ENPP1: variants seen among roughly 807,000 people sequenced by gnomAD.
ENPP1 encodes the protein ectonucleotide pyrophosphatase/phosphodiesterase 1, also known as ectonucleotide pyrophosphatase/phosphodiesterase family member 1.
Under a neutral mutation model 122.8 loss-of-function variants are expected in ENPP1, and 73 were observed. The observed-to-expected ratio is 0.59, with a 90% CI of 0.49 to 0.72. The LOEUF (loss-of-function observed/expected upper bound fraction) is 0.72, where lower values mean the gene tolerates loss of function less well. ENPP1 is among the 30% of genes least tolerant of loss of function. The probability of loss-of-function intolerance (pLI) is 0.00; values close to 1 mark genes in which losing one functional copy is unlikely to be tolerated. For missense variants in ENPP1, 978 were observed against 1,128.1 expected, an observed-to-expected ratio of 0.87 and a Z score of 1.91; for synonymous variants, 367 against 391.6, an observed-to-expected ratio of 0.94 and a Z score of 0.74.
At chr6:131,826,229 A>G in intron 1 of ENPP1, 4 of 949,758 alleles carry the variant, frequency 4.2e-6, no homozygotes, top group South Asian at 1.3e-5. Context: ...TTGCACTGAA[A>G]CAGCCCATCT....
chr6:131,845,396 T>G (rs1339748291), intron 1 of ENPP1, among the ~76,000 whole-genome samples: 1 of 151,718 alleles, frequency 6.6e-6, no homozygotes, highest in African/African-American at 2.4e-5. Context: ...CTATGTTTTA[T>G]TTTCTTATAC....
chr6:131,880,862 C>T (rs1219592250), intron 20 of ENPP1, among the ~76,000 whole-genome samples: 1 of 152,150 alleles, frequency 6.6e-6, no homozygotes, highest in African/African-American at 2.4e-5. Context: ...CCACCACCAA[C>T]ACCAGAGGAG....
rs749245447 is a variant in ENPP1 at position 131,877,106 on chromosome 6, A to G, written c.1838A>G (p.Gln613Arg). 4 of 1,614,088 alleles carry G rather than the reference A, an allele frequency of 2.5e-6. No individual in the cohort carries two copies. In the South Asian group the frequency reaches 4.4e-5, roughly 18 times the overall value. The stretch of plus-strand genomic sequence containing the variant: ...CCCAAAGAAGTGCACCCCCTGGTAC[A>G]GTGCCCCTTCACAAGAAACCCCAGA... Reference protein sequence around the residue: ...KHPKEVHPLVQCPFTRNPRDN... With the variant: ...KHPKEVHPLVRCPFTRNPRDN... Residue 613 changes from glutamine to arginine, a missense_variant, in exon 18 of 25, where the codon CAG (glutamine) becomes CGG (arginine). Coordinates refer to ENST00000647893, the MANE Select transcript of ENPP1 (RefSeq NM_006208.3).
intron 16 of ENPP1, among the ~76,000 whole-genome samples, chr6:131,875,305 GCT>G (rs1782215280): frequency 6.6e-6 from 1 of 152,068 alleles, no homozygotes; most frequent in African/African-American, 2.4e-5. Context: ...AAATTTTTGT[GCT>G]CTGTTGAGAG....
chr6:131,816,544 A>C (rs1269605172), intron 1 of ENPP1, among the ~76,000 whole-genome samples: 1 of 152,238 alleles, frequency 6.6e-6, no homozygotes, highest in African/African-American at 2.4e-5. Context: ...TACCAAGGAA[A>C]GACAATGTAG....
intron 11 of ENPP1, among the ~76,000 whole-genome samples, chr6:131,865,609 A>G (rs1191833844): frequency 3.3e-5 from 5 of 152,196 alleles, no homozygotes; most frequent in Admixed American, 3.3e-4. Flanking sequence ...TCACGTGGCC[A>G]TATCATTTTT....
intron 1 of ENPP1, among the ~76,000 whole-genome samples, chr6:131,841,334 T>C (rs1781736888): frequency 6.6e-6 from 1 of 152,200 alleles, no homozygotes; most frequent in Non-Finnish European, 1.5e-5. Context: ...TCACAGTTCT[T>C]TTTCAGAAAG....
At chr6:131,808,324 G>A (rs1335492507) in intron 1 of ENPP1, 49 bp downstream of exon 1, 1 of 1,466,690 alleles carries the variant, frequency 6.8e-7, no homozygotes. Context: ...GGAGTACGGG[G>A]AGGGCGGCGC....
At chr6:131,859,394 T>TG (rs1475487703) in intron 7 of ENPP1, among the ~76,000 whole-genome samples, 4 of 151,946 alleles carry the variant, frequency 2.6e-5, no homozygotes, top group East Asian at 1.9e-4. Context: ...CTTTTTTTTT[T>TG]TTGTTTTTTT....
At chr6:131,875,909 A>G in intron 17 of ENPP1, 46 bp downstream of exon 17, 1 of 1,444,370 alleles carries the variant, frequency 6.9e-7, no homozygotes. Context: ...AATAGACCTG[A>G]AATAGGATTA....
Position 131,868,125 on chromosome 6 carries a change from T to C in ENPP1, c.1272T>C (p.His424=), listed in dbSNP as rs1782113457. Residue 424 remains histidine (H), a splice_region_variant and synonymous_variant, in exon 12 of 25, where the codon CAT becomes CAC. Coordinates refer to ENST00000647893, the MANE Select transcript of ENPP1 (RefSeq NM_006208.3). ...TGAACCTCATCCTTATTTCAGATCATGGTAATCTGAATTTGCATTATTTAC... is the reference window on the plus strand; with the variant it reads ...TGAACCTCATCCTTATTTCAGATCACGGTAATCTGAATTTGCATTATTTAC... ...RCLNLILISD[H]GMEQGSCKKY... 3 of 1,596,952 alleles carry C rather than the reference T, an allele frequency of 1.9e-6. No individual in the cohort carries two copies. The highest frequency in any genetic ancestry group is 2.6e-6 in the Non-Finnish European group (3 of 1,164,528).
intron 1 of ENPP1, among the ~76,000 whole-genome samples, chr6:131,829,232 A>G (rs1482216190): frequency 6.6e-6 from 1 of 152,206 alleles, no homozygotes; most frequent in Non-Finnish European, 1.5e-5. Flanking sequence ...TCCCTTTCCT[A>G]TCTTATGAGC....
At chr6:131,855,780 A>G (rs541921799) in intron 6 of ENPP1, among the ~76,000 whole-genome samples, 42 of 150,380 alleles carry the variant, frequency 2.8e-4, no homozygotes, top group African/African-American at 9.8e-4. Flanking sequence ...TTAAATCCCA[A>G]TCAGGCCTTA....
At position 131,872,960 on chromosome 6, in the gene ENPP1, A is replaced by G; in HGVS notation, c.1475A>G (p.Lys492Arg). Residue 492 changes from lysine to arginine, a missense_variant, in exon 15 of 25, where the codon AAA becomes AGA. Around this residue, in one of 3 missense-constraint regions of ENPP1, gnomAD observed 644 missense variants for 781.5 expected, o/e 0.82. Coordinates refer to ENST00000647893, the MANE Select transcript of ENPP1 (RefSeq NM_006208.3). ...AACCAGCACTTCAAACCTTACCTGA[A>G]ACATTTCTTACCTAAGCGTTTGCAC... ...EPNQHFKPYL[K>R]HFLPKRLHFA... is the part of the protein sequence containing the mutation. The G allele has an allele frequency of 6.2e-7, 1 of 1,613,770 alleles. No individual in the cohort carries two copies. Among genetic ancestry groups the G allele is most frequent in the Non-Finnish European group, 8.5e-7 (1 of 1,179,754 alleles).
At chr6:131,869,995 C>T (rs972507723) in intron 13 of ENPP1, among the ~76,000 whole-genome samples, 3 of 151,770 alleles carry the variant, frequency 2.0e-5, no homozygotes, top group South Asian at 2.1e-4. Flanking sequence ...GGACTGGATG[C>T]GAGAACACAA....
intron 1 of ENPP1, among the ~76,000 whole-genome samples, chr6:131,824,150 T>C (rs1243348755): frequency 6.6e-6 from 1 of 152,030 alleles, no homozygotes; most frequent in Non-Finnish European, 1.5e-5. Context: ...TATCGAAGAA[T>C]TATACAAGAT....
intron 13 of ENPP1, among the ~76,000 whole-genome samples, chr6:131,871,393 G>C (rs1310650291): frequency 6.6e-6 from 1 of 152,092 alleles, no homozygotes; most frequent in Non-Finnish European, 1.5e-5. Context: ...TAGTCTACTT[G>C]CCTTCTCTTT....
intron 1 of ENPP1, among the ~76,000 whole-genome samples, chr6:131,837,819 G>C (rs183257340): frequency 6.6e-6 from 1 of 152,084 alleles, no homozygotes; most frequent in African/African-American, 2.4e-5. Flanking sequence ...GCATCACATA[G>C]GCAGGCATTA....
At chr6:131,874,464 G>C in intron 16 of ENPP1, 127 bp downstream of exon 16, 1 of 637,526 alleles carries the variant, frequency 1.6e-6, no homozygotes, top group East Asian at 2.7e-5. Context: ...CTTTCATAAA[G>C]CTATTTTTCT....
Sources: allele counts gnomAD v4.1 joint callset (sites outside exome capture counted in the v4.1 genomes callset), GRCh38; gene constraint gnomAD v4.1.1; regional missense constraint gnomAD v4.1.1; transcripts MANE v1.5; gene names NCBI Gene and HGNC (gene_info 2026-07-23, HGNC 2026-07-21).